Variants in KIF3B observed in about 807,000 individuals in gnomAD.
KIF3B encodes kinesin-like protein KIF3B.
Under a neutral mutation model 74.3 loss-of-function variants are expected in KIF3B, and 38 were observed. The ratio of observed to expected loss-of-function variants is 0.51; its 90% CI spans 0.39 to 0.67. The LOEUF is 0.67. Ranked by LOEUF, KIF3B falls within the 30% of genes least tolerant of loss-of-function variation. The probability of loss-of-function intolerance (pLI) is 0.00; values close to 1 mark genes in which losing one functional copy is unlikely to be tolerated. For missense variants in KIF3B, 649 were observed against 932.0 expected (o/e 0.70, Z 3.95); for synonymous variants, 326 against 342.5 (o/e 0.95, Z 0.53).
chr20:32,316,734 C>A (rs752638466), intron 4 of KIF3B, 22 bp from the exon 5 acceptor site: 1 of 1,612,872 alleles, frequency 6.2e-7, no homozygotes, highest in Non-Finnish European at 8.5e-7. Context: ...ACCCTCCTCA[C>A]CTGCCTCTCC....
intron 5 of KIF3B, among the ~76,000 whole-genome samples, chr20:32,325,982 A>G (rs192750327): frequency 6.6e-6 from 1 of 152,022 alleles, no homozygotes; most frequent in East Asian, 1.9e-4. Context: ...CTCTTTTTAT[A>G]TCTTTTGAGT....
rs2047850964 is a variant in KIF3B at position 32,319,951 on chromosome 20, A to G, written c.1748+3077A>G. 2.0e-5 allele frequency among the ~76,000 whole-genome samples: 3 copies of G among 151,048 alleles called. No homozygotes were observed. The South Asian group carries it at 6.3e-4, about 32-fold the overall frequency. On this transcript the variant is annotated intron_variant, in intron 5 of 8. Coordinates refer to ENST00000375712, the MANE Select transcript of KIF3B (RefSeq NM_004798.4). ...GGTCTGTCACCCAGGCTGGAGTGCAATGGCATGATCTTAGCTCACTGCAGC... is the reference window on the plus strand; with the variant it reads ...GGTCTGTCACCCAGGCTGGAGTGCAGTGGCATGATCTTAGCTCACTGCAGC...
chr20:32,310,650 A>C lies in KIF3B; in HGVS notation c.873A>C (p.Pro291=), dbSNP rs1014772332. The part of the protein sequence containing the change: ...ALVDGKSTHI[P]YRDSKLTRLL... ...TGGACGGCAAAAGCACTCACATTCC[A>C]TATCGGGACTCAAAGCTTACCAGGC... The change falls in exon 2 of 9, where the codon CCA becomes CCC. Residue 291 remains proline, a synonymous_variant. Coordinates refer to ENST00000375712, the MANE Select transcript of KIF3B (RefSeq NM_004798.4). The surrounding 1 kb of genome is among the most constrained non-coding windows in gnomAD (Gnocchi z 6.5). 6.2e-7 allele frequency: 1 copy of C among 1,613,970 alleles called. No homozygotes were observed. The highest frequency in any genetic ancestry group is 8.5e-7 in the Non-Finnish European group (1 of 1,180,022).
At position 32,330,075 on chromosome 20, in the gene KIF3B, C is replaced by T. The variant is rs540957492; in HGVS notation, c.1969-66C>T. 2.3e-3 allele frequency: 3,338 copies of T among 1,432,028 alleles called. 5 individuals are homozygous for T. Among genetic ancestry groups the T allele is most frequent in the Non-Finnish European group, 2.9e-3 (3,055 of 1,060,964 alleles). The allele number at this position is 1,432,028 out of a possible 1,614,324, so 88.7% of individuals were successfully genotyped here. A position where few individuals can be genotyped will look rare whatever the true frequency, so the allele number is the denominator to read the frequency against. The stretch of plus-strand genomic sequence containing the variant: ...GCACTTCTATTCTTGGAGGGGCCCT[C>T]GATTGCTTGTACTGCCTGTGTCCAG... On this transcript the variant is annotated intron_variant, in intron 7 of 8. Transcript: ENST00000375712.
chr20:32,323,219 A>G (rs1600437927), intron 5 of KIF3B, among the ~76,000 whole-genome samples: 1 of 137,668 alleles, frequency 7.3e-6, no homozygotes, highest in East Asian at 2.0e-4. Context: ...ATTTTTGTCT[A>G]CACAATGATA....
At chr20:32,298,482 A>G (rs1351052433) in intron 1 of KIF3B, among the ~76,000 whole-genome samples, 1 of 151,852 alleles carries the variant, frequency 6.6e-6, no homozygotes, top group Non-Finnish European at 1.5e-5. Flanking sequence ...TAGAATCAGC[A>G]AAGTAAGGGA....
rs1212876936 is a variant in KIF3B, at chr20:32,334,563, A to G, written c.*3244A>G. 6.6e-6 allele frequency: 1 copy of G among 152,630 alleles called. No homozygotes were observed. Among genetic ancestry groups the G allele is most frequent in the Admixed American group, 6.5e-5 (1 of 15,268 alleles). 9.5% of individuals were successfully genotyped at this position (152,630 alleles called of 1,614,324 possible). On this transcript the variant is annotated 3_prime_UTR_variant, in exon 9 of 9. Coordinates refer to ENST00000375712, the MANE Select transcript of KIF3B (RefSeq NM_004798.4). ...TTGAGGTTGAGGCGTACTGGAGACA[A>G]CACCTCAGACCATCTGAACCCCATC... is the stretch of plus-strand genomic sequence containing the variant.
chr20:32,315,056 C>T (rs1182448539), intron 2 of KIF3B, among the ~76,000 whole-genome samples: 1 of 152,182 alleles, frequency 6.6e-6, no homozygotes, highest in African/African-American at 2.4e-5. Context: ...ATCTACTCTG[C>T]CCTCCCCAAC....
chr20:32,307,413 A>G (rs918582871), intron 1 of KIF3B, among the ~76,000 whole-genome samples: 4 of 152,220 alleles, frequency 2.6e-5, no homozygotes, highest in African/African-American at 9.6e-5. Context: ...TATATGGAAT[A>G]TATTTAATTT....
chr20:32,302,283 G>A (rs2047748049), intron 1 of KIF3B, among the ~76,000 whole-genome samples: 1 of 152,208 alleles, frequency 6.6e-6, no homozygotes, highest in African/African-American at 2.4e-5. Context: ...AATAATACAT[G>A]ACTAGTTCAG....
chr20:32,325,171 GT>G (rs908815583), intron 5 of KIF3B, among the ~76,000 whole-genome samples: 28 of 152,092 alleles, frequency 1.8e-4, no homozygotes, highest in African/African-American at 6.7e-4. Context: ...GGGTGATTAT[GT>G]TTTTTACATT....
chr20:32,310,423 C>A lies in KIF3B; in HGVS notation c.646C>A (p.His216Asn). 6.2e-7 allele frequency: 1 copy of A among 1,614,200 alleles called. No individual in the cohort carries two copies. Among genetic ancestry groups the A allele is most frequent in the Non-Finnish European group, 8.5e-7 (1 of 1,180,050 alleles). The change falls in exon 2 of 9, where the codon CAT becomes AAT. Residue 216 changes from histidine to asparagine, a missense_variant. Coordinates refer to ENST00000375712, the MANE Select transcript of KIF3B (RefSeq NM_004798.4). This position sits in a 1 kb window ranked among gnomAD's most constrained non-coding sequence, Gnocchi z 6.5. ...CATGAACGAGCACAGCTCGCGTTCT[C>A]ATGCAATTTTCGTTATCACTATTGA... The part of the protein sequence containing the change: ...TNMNEHSSRS[H>N]AIFVITIECS...
chr20:32,330,587 A>T lies in KIF3B; in HGVS notation c.2147+268A>T, dbSNP rs555224360. Among the ~76,000 whole-genome samples, 9 of 152,306 alleles carry T rather than the reference A, an allele frequency of 5.9e-5. No homozygotes were observed. The South Asian group carries it at 1.4e-3, about 25-fold the overall frequency. On this transcript the variant is annotated intron_variant, in intron 8 of 8. Transcript: ENST00000375712. Reference sequence around the variant, plus strand: ...AATAGCAGTCAGTTCTTCTGTTCTCATGAGGTGTCCGGTAGTTCTAAGTGC... The same window carrying T: ...AATAGCAGTCAGTTCTTCTGTTCTCTTGAGGTGTCCGGTAGTTCTAAGTGC...
chr20:32,330,463 C>G (rs1156411539), intron 8 of KIF3B, 144 bp downstream of exon 8: 2 of 723,612 alleles, frequency 2.8e-6, no homozygotes, highest in Non-Finnish European at 4.5e-6. Context: ...CTTATTTATT[C>G]TACAAATATT....
intron 5 of KIF3B, among the ~76,000 whole-genome samples, chr20:32,322,934 TTATATATATA>T (rs2047876711): frequency 4.8e-5 from 2 of 42,026 alleles, no homozygotes; most frequent in African/African-American, 3.1e-4. Context: ...ATATACATAT[TTATATATATA>T]CATATTTATA....
rs1164666414 is a variant in KIF3B at position 32,326,781 on chromosome 20, A to G, written c.1759A>G (p.Ile587Val). 3.7e-6 allele frequency: 5 copies of G among 1,338,474 alleles called. No homozygotes were observed. Among genetic ancestry groups the G allele is most frequent in the Non-Finnish European group, 5.3e-6 (5 of 938,982 alleles). 82.9% of individuals were successfully genotyped at this position (1,338,474 alleles called of 1,614,324 possible). Residue 587 changes from isoleucine (I) to valine (V), a missense_variant, in exon 6 of 9, where the codon ATA (isoleucine) becomes GTA (valine). Transcript: ENST00000375712. ...TGTGTGCTCTTACAGGCATCTTATT[A>G]TAGAAAACTTTATCCCTCTGGAAGA... is the stretch of plus-strand genomic sequence containing the variant. ...TRELKLKHLI[I>V]ENFIPLEEKS...
chr20:32,292,410 A>G (rs992133136), intron 1 of KIF3B, among the ~76,000 whole-genome samples: 1 of 151,856 alleles, frequency 6.6e-6, no homozygotes, highest in Non-Finnish European at 1.5e-5. Context: ...AGCCTGTGCA[A>G]CAAAGCAAGA....
At position 32,323,152 on chromosome 20, in the gene KIF3B, T is replaced by TTATATTTATATATTTACA. The variant is rs1569208735; in HGVS notation, c.1749-3603_1749-3602insCATATATTTATATATTTA. Among the ~76,000 whole-genome samples the TTATATTTATATATTTACA allele has an allele frequency of 5.7e-3, 195 of 34,478 alleles. 6 individuals are homozygous for TTATATTTATATATTTACA. In the East Asian group the frequency reaches 0.057, roughly 10 times the overall value. The allele number at this position is 34,478 out of a possible 152,430, so 22.6% of individuals were successfully genotyped here. A position where few individuals can be genotyped will look rare whatever the true frequency, so the allele number is the denominator to read the frequency against. On this transcript the variant is annotated intron_variant, in intron 5 of 8. Coordinates refer to ENST00000375712, the MANE Select transcript of KIF3B (RefSeq NM_004798.4). Reference sequence around the variant, plus strand: ...TATATATTTACATATATTTATATATTTATATTTATATATTTATATTTATAT... The same window carrying TTATATTTATATATTTACA: ...TATATATTTACATATATTTATATATTTATATTTATATATTTACATATATTTATATATTTATATTTATAT...
intron 7 of KIF3B, among the ~76,000 whole-genome samples, chr20:32,328,780 C>A (rs1037699093): frequency 6.6e-6 from 1 of 152,108 alleles, no homozygotes; most frequent in Non-Finnish European, 1.5e-5. Context: ...CAGGTACTTT[C>A]ATCTCACAAA....
Sources: allele counts gnomAD v4.1 joint callset (sites outside exome capture counted in the v4.1 genomes callset), GRCh38; gene constraint gnomAD v4.1.1; non-coding constraint Gnocchi (gnomAD v3.1); transcripts MANE v1.5; gene names NCBI Gene and HGNC (gene_info 2026-07-23, HGNC 2026-07-21).